SEMA3D: variants seen among roughly 807,000 people sequenced by gnomAD.
SEMA3D encodes the protein semaphorin 3D, also known as semaphorin-3D.
Under a neutral mutation model 100.1 loss-of-function variants are expected in SEMA3D, and 84 were observed. The observed-to-expected ratio is 0.84, with a 90% CI of 0.70 to 1.01. SEMA3D has a LOEUF of 1.01. SEMA3D is among the 50% of genes least tolerant of loss of function. SEMA3D has a pLI of 0.00. For missense variants in SEMA3D, 875 were observed against 934.1 expected, an observed-to-expected ratio of 0.94 and a Z score of 0.82; for synonymous variants, 312 against 320.7, an observed-to-expected ratio of 0.97 and a Z score of 0.29.
At chr7:85,145,998 G>T (rs1790194437) in intron 2 of SEMA3D, among the ~76,000 whole-genome samples, 1 of 152,012 alleles carries the variant, frequency 6.6e-6, no homozygotes. Flanking sequence ...TTTAAGTTTT[G>T]CTTTGTGAAA....
chr7:84,999,686 C>G lies in SEMA3D; in HGVS notation c.2088G>C (p.Glu696Asp), dbSNP rs749803802. 1.2e-6 allele frequency: 2 copies of G among 1,614,064 alleles called. No homozygotes were observed. Among genetic ancestry groups the G allele is most frequent in the South Asian group, 2.2e-5 (2 of 91,078 alleles). ...NEQMENTQRA[E>D]HEEGKVKDLL... ...GATCCTTGACCTTCCCCTCCTCATG[C>G]TCTGCCCTCTGGGTATTTTCCATCT... The change falls in exon 19 of 19, where the codon GAG becomes GAC. Residue 696 changes from glutamate to aspartate, a missense_variant. Physicochemically the swap from Glu to Asp is conservative, Grantham distance 45. Transcript: ENST00000284136.
upstream of SEMA3D, among the ~76,000 whole-genome samples, chr7:85,187,569 A>T (rs1213843293): frequency 2.0e-5 from 3 of 152,146 alleles, no homozygotes; most frequent in African/African-American, 7.2e-5. Context: ...AGTAGAATGT[A>T]ATCCTTTCTT....
chr7:85,005,761 C>A (rs1264767072), intron 18 of SEMA3D, among the ~76,000 whole-genome samples: 3 of 151,914 alleles, frequency 2.0e-5, no homozygotes, highest in Non-Finnish European at 4.4e-5. Flanking sequence ...CCAGGGGCAC[C>A]CACTTGGCCA....
chr7:85,019,111 A>G (rs1790185160), intron 14 of SEMA3D, among the ~76,000 whole-genome samples: 1 of 151,766 alleles, frequency 6.6e-6, no homozygotes, highest in Non-Finnish European at 1.5e-5. Flanking sequence ...TACATACAAT[A>G]TGTTCAGTTT....
At chr7:85,011,990 G>C (rs555810990) in intron 17 of SEMA3D, among the ~76,000 whole-genome samples, 2 of 151,422 alleles carry the variant, frequency 1.3e-5, no homozygotes, top group African/African-American at 4.8e-5. Context: ...ATATATTTTC[G>C]ATCTTAAGGC....
intron 3 of SEMA3D, among the ~76,000 whole-genome samples, chr7:85,121,066 T>A (rs1046814551): frequency 1.3e-5 from 2 of 152,178 alleles, no homozygotes; most frequent in African/African-American, 4.8e-5. Context: ...AGAAGTTTTA[T>A]TCTCCCTACA....
chr7:85,146,777 T>C (rs1218169278), intron 2 of SEMA3D, among the ~76,000 whole-genome samples: 1 of 152,034 alleles, frequency 6.6e-6, no homozygotes, highest in African/African-American at 2.4e-5. Flanking sequence ...AGATATGTTT[T>C]GATGATGACA....
At chr7:85,077,431 T>C (rs770683867) in intron 5 of SEMA3D, among the ~76,000 whole-genome samples, 13 of 151,994 alleles carry the variant, frequency 8.6e-5, no homozygotes, top group Non-Finnish European at 1.8e-4. Context: ...TGTCTACCTA[T>C]ACGTGTGTGT....
chr7:85,248,790 T>C, the SEMA3D span, among the ~76,000 whole-genome samples: 1 of 147,638 alleles, frequency 6.8e-6, no homozygotes, highest in South Asian at 2.1e-4. Context: ...ATGGAAACGG[T>C]AAAAAAAAAA....
intron 9 of SEMA3D, among the ~76,000 whole-genome samples, chr7:85,049,768 A>G (rs1791108641): frequency 6.6e-6 from 1 of 151,868 alleles, no homozygotes; most frequent in African/African-American, 2.4e-5. Flanking sequence ...ATCAAAATAG[A>G]CAATGCAAGT....
intron 10 of SEMA3D, 34 bp downstream of exon 10, chr7:85,042,137 G>C (rs749326666): frequency 3.7e-6 from 5 of 1,367,544 alleles, no homozygotes; most frequent in Non-Finnish European, 5.2e-6. Flanking sequence ...AGGCAGTAAG[G>C]CCTTTCCAAG....
intron 2 of SEMA3D, among the ~76,000 whole-genome samples, chr7:85,148,666 A>G (rs1790281912): frequency 6.6e-6 from 1 of 152,176 alleles, no homozygotes; most frequent in South Asian, 2.1e-4. Flanking sequence ...TCTTCTCAGT[A>G]CAATACATCT....
At chr7:85,104,933 C>T (rs892060932) in intron 3 of SEMA3D, among the ~76,000 whole-genome samples, 1 of 151,970 alleles carries the variant, frequency 6.6e-6, no homozygotes, top group African/African-American at 2.4e-5. Flanking sequence ...TAAAATTCCT[C>T]AGCAGAGAAA....
the SEMA3D span, among the ~76,000 whole-genome samples, chr7:85,248,490 C>G: frequency 6.6e-6 from 1 of 152,132 alleles, no homozygotes; most frequent in East Asian, 1.9e-4. Context: ...CTCATAGGAA[C>G]TGATAACGCA....
intron 8 of SEMA3D, among the ~76,000 whole-genome samples, chr7:85,057,162 T>C (rs1478276692): frequency 6.6e-6 from 1 of 152,174 alleles, no homozygotes; most frequent in Admixed American, 6.5e-5. Context: ...ATGTTTGCAA[T>C]ATGATGAACC....
At chr7:85,172,641 T>C (rs1791114864) in intron 1 of SEMA3D, among the ~76,000 whole-genome samples, 1 of 152,042 alleles carries the variant, frequency 6.6e-6, no homozygotes, top group Admixed American at 6.6e-5. Context: ...TAGCTTCTGT[T>C]AGGCAACTTG....
At chr7:85,205,078 T>A in the SEMA3D span, among the ~76,000 whole-genome samples, 3 of 152,140 alleles carry the variant, frequency 2.0e-5, no homozygotes, top group African/African-American at 7.2e-5. Flanking sequence ...TAGTCATTCA[T>A]ATGTCTTCTT....
the SEMA3D span, among the ~76,000 whole-genome samples, chr7:85,193,365 T>C: frequency 6.6e-6 from 1 of 152,134 alleles, no homozygotes. Flanking sequence ...GAGCTGTAAC[T>C]GGTCCTCACA....
At chr7:85,081,866 C>G (rs1413325843) in intron 4 of SEMA3D, among the ~76,000 whole-genome samples, 1 of 152,142 alleles carries the variant, frequency 6.6e-6, no homozygotes, top group Non-Finnish European at 1.5e-5. Flanking sequence ...ATCATGATGT[C>G]AACAGAATTT....
Sources: gnomAD v4.1 joint callset for allele counts (sites outside exome capture counted in the v4.1 genomes callset) on GRCh38, gnomAD v4.1.1 for gene constraint, MANE v1.5 for transcripts, NCBI Gene and HGNC (gene_info 2026-07-23, HGNC 2026-07-21) for gene names.